TMPRSS11F: variants seen among roughly 807,000 people sequenced by gnomAD.
TMPRSS11F encodes the protein transmembrane serine protease 11F.
A neutral mutation model predicts 60.2 loss-of-function variants in TMPRSS11F; 47 were observed. The ratio of observed to expected loss-of-function variants is 0.78; its 90% CI spans 0.62 to 1.00. The LOEUF (loss-of-function observed/expected upper bound fraction) is 1.00, where lower values mean the gene tolerates loss of function less well. TMPRSS11F is among the 50% of genes least tolerant of loss of function. The pLI is 0.00. For synonymous variants in TMPRSS11F, 166 were observed against 167.3 expected (o/e 0.99, Z 0.06); for missense variants, 519 against 522.9 (o/e 0.99, Z 0.07).
chr4:68,064,619 AAGAT>A, intron 8 of TMPRSS11F, 62 bp downstream of exon 8: 2 of 1,541,714 alleles, frequency 1.3e-6, no homozygotes, highest in Non-Finnish European at 1.8e-6. Context: ...GGGATTCTTT[AAGAT>A]AGATAGCTCG....
At chr4:68,110,711 A>G (rs13107652) in intron 1 of TMPRSS11F, among the ~76,000 whole-genome samples, 43,577 of 152,062 alleles carry the variant, frequency 0.29, 6,342 homozygotes, top group East Asian at 0.49. Flanking sequence ...AACATGTCAA[A>G]GTGCTATAAA....
At chr4:68,126,969 C>T (rs1366680262) in intron 1 of TMPRSS11F, among the ~76,000 whole-genome samples, 5 of 152,138 alleles carry the variant, frequency 3.3e-5, no homozygotes, top group East Asian at 3.8e-4. Context: ...CTCTCTGCCA[C>T]GCCCTTCATT....
At position 68,064,271 on chromosome 4, in the gene TMPRSS11F, GC is replaced by G. The variant is rs199844586; in HGVS notation, c.1015+413del. ...TCGATCTCAGCTCATTGCAACCTCT[GC>G]CTCCTAGATTCAAGCAATTCTCCTG... On this transcript the variant is annotated intron_variant, in intron 8 of 9. Coordinates refer to ENST00000356291, the MANE Select transcript of TMPRSS11F (RefSeq NM_207407.2). 5.1e-3 allele frequency among the ~76,000 whole-genome samples: 763 copies of G among 150,152 alleles called. 9 individuals are homozygous for G. The highest frequency in any genetic ancestry group is 0.018 in the African/African-American group (743 of 40,822).
At chr4:68,095,566 G>A (rs764037355) in intron 2 of TMPRSS11F, among the ~76,000 whole-genome samples, 16 of 152,218 alleles carry the variant, frequency 1.1e-4, no homozygotes, top group Non-Finnish European at 5.9e-5. Flanking sequence ...ATGCACTGCT[G>A]GTAGAAAACA....
At chr4:68,079,536 T>A (rs1446894455) in intron 3 of TMPRSS11F, among the ~76,000 whole-genome samples, 1 of 152,188 alleles carries the variant, frequency 6.6e-6, no homozygotes, top group African/African-American at 2.4e-5. Flanking sequence ...GGGGAACTAT[T>A]CCTCCTCAGA....
intron 8 of TMPRSS11F, chr4:68,063,263 C>T: frequency 7.0e-6 from 4 of 567,570 alleles, no homozygotes; most frequent in East Asian, 9.4e-5. Flanking sequence ...CACCTTCAAT[C>T]GCCATGATGA....
chr4:68,081,880 T>C (rs1162898033), intron 3 of TMPRSS11F, among the ~76,000 whole-genome samples: 2 of 151,686 alleles, frequency 1.3e-5, no homozygotes, highest in African/African-American at 2.4e-5. Context: ...AAAGTATTAA[T>C]ATATCATTAA....
intron 1 of TMPRSS11F, among the ~76,000 whole-genome samples, chr4:68,112,760 A>T (rs1221872640): frequency 6.6e-6 from 1 of 152,170 alleles, no homozygotes; most frequent in Non-Finnish European, 1.5e-5. Flanking sequence ...TTTAATAAAC[A>T]TTATTGAGTA....
At chr4:68,063,988 T>C (rs1331807923) in intron 8 of TMPRSS11F, among the ~76,000 whole-genome samples, 2 of 152,208 alleles carry the variant, frequency 1.3e-5, no homozygotes, top group Non-Finnish European at 1.5e-5. Flanking sequence ...TTAAAGTATA[T>C]GTAACATATT....
intron 3 of TMPRSS11F, among the ~76,000 whole-genome samples, chr4:68,090,190 C>T (rs553638264): frequency 1.2e-4 from 19 of 152,084 alleles, no homozygotes; most frequent in African/African-American, 4.1e-4. Context: ...CTGATTGTGG[C>T]AACTCTATAT....
At chr4:68,072,250 T>TATATATATATATATA (rs537020566) in intron 5 of TMPRSS11F, 73 bp downstream of exon 5, 71 of 223,986 alleles carry the variant, frequency 3.2e-4, no homozygotes, top group Middle Eastern at 1.6e-3. Flanking sequence ...TATATATATA[T>TATATATATATATATA]TGCTTACAAA....
chr4:68,088,845 C>T (rs189234976), intron 3 of TMPRSS11F, among the ~76,000 whole-genome samples: 3 of 152,112 alleles, frequency 2.0e-5, no homozygotes, highest in Non-Finnish European at 2.9e-5. Flanking sequence ...TATATCTAAT[C>T]GAAGAGGTAA....
intron 8 of TMPRSS11F, among the ~76,000 whole-genome samples, chr4:68,059,769 T>C (rs764438961): frequency 2.0e-5 from 3 of 152,182 alleles, no homozygotes; most frequent in African/African-American, 4.8e-5. Flanking sequence ...TAGATTCTCA[T>C]ACAGGTTCAT....
At chr4:68,073,397 G>T (rs923532007) in intron 4 of TMPRSS11F, among the ~76,000 whole-genome samples, 1 of 151,094 alleles carries the variant, frequency 6.6e-6, no homozygotes, top group Non-Finnish European at 1.5e-5. Context: ...AGAGATAAAA[G>T]AAAAGAAGGA....
At chr4:68,093,740 A>C (rs1343640710) in intron 2 of TMPRSS11F, among the ~76,000 whole-genome samples, 1 of 152,000 alleles carries the variant, frequency 6.6e-6, no homozygotes, top group African/African-American at 2.4e-5. Flanking sequence ...TGGGCGAAGG[A>C]CATGAACAGA....
intron 2 of TMPRSS11F, among the ~76,000 whole-genome samples, chr4:68,098,579 G>A (rs1057070955): frequency 6.6e-6 from 1 of 152,148 alleles, no homozygotes; most frequent in African/African-American, 2.4e-5. Flanking sequence ...ATTCTGAAAA[G>A]AGTATACTAA....
intron 8 of TMPRSS11F, chr4:68,062,543 C>G (rs1253642895): frequency 1.3e-6 from 1 of 768,926 alleles, no homozygotes; most frequent in Non-Finnish European, 2.4e-6. Context: ...TTATTGTATT[C>G]ATCGTGACTC....
chr4:68,060,202 G>A (rs542169821), intron 8 of TMPRSS11F, among the ~76,000 whole-genome samples: 1 of 151,366 alleles, frequency 6.6e-6, no homozygotes, highest in African/African-American at 2.4e-5. Flanking sequence ...AAAAAAGCTA[G>A]ATTAAGATAT....
At chr4:68,115,783 G>A (rs1217873558) in intron 1 of TMPRSS11F, among the ~76,000 whole-genome samples, 2 of 151,950 alleles carry the variant, frequency 1.3e-5, no homozygotes, top group African/African-American at 4.8e-5. Context: ...TGAAAACTAT[G>A]AAATAATTAT....
Sources: gnomAD v4.1 joint callset for allele counts (sites outside exome capture counted in the v4.1 genomes callset) on GRCh38, gnomAD v4.1.1 for gene constraint, MANE v1.5 for transcripts, NCBI Gene and HGNC (gene_info 2026-07-23, HGNC 2026-07-21) for gene names.